The following UTS2 variants were observed in gnomAD, a reference collection of about 807,000 sequenced individuals.
UTS2 encodes the protein urotensin-2.
In UTS2, 10 loss-of-function variants were observed where a neutral mutation model predicts 12.6. The ratio of observed to expected loss-of-function variants is 0.80; its 90% CI spans 0.49 to 1.35. UTS2 has a LOEUF of 1.35. UTS2 is among the 40% of genes most tolerant of loss of function. The pLI, the probability that UTS2 is intolerant of heterozygous loss-of-function variation, is 0.00. For missense variants in UTS2, 142 were observed against 143.2 expected (o/e 0.99, Z 0.04); for synonymous variants, 52 against 50.0 (o/e 1.04, Z -0.17).
chr1:7,909,777 C>T, the UTS2 span, among the ~76,000 whole-genome samples: 8 of 152,046 alleles, frequency 5.3e-5, no homozygotes, highest in African/African-American at 1.4e-4. Flanking sequence ...CCCACCACCA[C>T]GCCCAGCTAA....
At chr1:7,861,599 C>A in the UTS2 span, among the ~76,000 whole-genome samples, 2 of 152,202 alleles carry the variant, frequency 1.3e-5, no homozygotes, top group Non-Finnish European at 2.9e-5. Flanking sequence ...CACGCGGTGT[C>A]CTCACAGCAG....
At position 7,851,006 on chromosome 1, in the gene UTS2, A is replaced by C. The variant is rs2097413530; in HGVS notation, c.104-84T>G. The C allele has an allele frequency of 3.0e-6, 4 of 1,321,596 alleles. No homozygotes were observed. The South Asian group carries it at 4.8e-5, about 16-fold the overall frequency. The allele number at this position is 1,321,596 out of a possible 1,614,324, so 81.9% of individuals were successfully genotyped here. ...TCCTTGTGTCTTTGGCGAGCACCAG[A>C]GATAGGGAGATGAACACTAGAAAAA... is the stretch of plus-strand genomic sequence containing the variant. On this transcript the variant is annotated intron_variant, in intron 1 of 3. Transcript: ENST00000361696.
upstream of UTS2, chr1:7,853,650 A>G: frequency 4.0e-6 from 2 of 506,040 alleles, no homozygotes; most frequent in South Asian, 5.1e-5. Context: ...CTTCAGAGAA[A>G]GGAAATAACT....
At chr1:7,872,299 CAAAAAAAAAAAAAA>C in the UTS2 span, among the ~76,000 whole-genome samples, 15 of 65,888 alleles carry the variant, frequency 2.3e-4, no homozygotes, top group Admixed American at 3.0e-3. Context: ...GACTCTGTCT[CAAAAAAAAAAAAAA>C]AAAAAAGGAA....
At chr1:7,871,244 A>G in the UTS2 span, among the ~76,000 whole-genome samples, 2 of 152,178 alleles carry the variant, frequency 1.3e-5, no homozygotes, top group Non-Finnish European at 1.5e-5. Context: ...TGTTTGTGAG[A>G]TCGTCCCTGT....
chr1:7,887,607 A>C, the UTS2 span, among the ~76,000 whole-genome samples: 1 of 150,444 alleles, frequency 6.6e-6, no homozygotes, highest in Non-Finnish European at 1.5e-5. Flanking sequence ...AAAAAAAAAA[A>C]AAAAAAAAAA....
chr1:7,886,857 C>T, the UTS2 span, among the ~76,000 whole-genome samples: 19 of 151,896 alleles, frequency 1.3e-4, no homozygotes, highest in African/African-American at 4.3e-4. Context: ...TCGAGACCAG[C>T]CTGACCAACA....
the UTS2 span, among the ~76,000 whole-genome samples, chr1:7,885,448 G>C: frequency 6.6e-6 from 1 of 152,164 alleles, no homozygotes; most frequent in Admixed American, 6.5e-5. Context: ...AAGGACAGGA[G>C]ATGGCCCCGG....
the UTS2 span, among the ~76,000 whole-genome samples, chr1:7,912,788 A>G: frequency 6.6e-6 from 1 of 151,764 alleles, no homozygotes; most frequent in East Asian, 1.9e-4. Flanking sequence ...TCCCTCCCCA[A>G]GCTCCATCCC....
chr1:7,890,972 C>G, the UTS2 span, among the ~76,000 whole-genome samples: 1 of 151,198 alleles, frequency 6.6e-6, no homozygotes, highest in Non-Finnish European at 1.5e-5. Context: ...CCTCCACCCC[C>G]CCCCACAAAA....
the UTS2 span, among the ~76,000 whole-genome samples, chr1:7,893,298 T>C: frequency 6.6e-6 from 1 of 152,104 alleles, no homozygotes; most frequent in African/African-American, 2.4e-5. Context: ...AGCCAGGAGT[T>C]TGAGGTCAGC....
At chr1:7,865,657 G>T in the UTS2 span, among the ~76,000 whole-genome samples, 1 of 152,182 alleles carries the variant, frequency 6.6e-6, no homozygotes, top group Admixed American at 6.5e-5. Context: ...CCAAATACAG[G>T]CTGAGCATGG....
the UTS2 span, among the ~76,000 whole-genome samples, chr1:7,875,580 T>C: frequency 1.3e-5 from 2 of 152,058 alleles, no homozygotes; most frequent in East Asian, 1.9e-4. Context: ...ATGCACACCA[T>C]TGGGGGTCCT....
upstream of UTS2, chr1:7,853,224 T>C (rs576444219): frequency 3.6e-5 from 57 of 1,582,156 alleles, no homozygotes; most frequent in Middle Eastern, 1.7e-4. Context: ...GACAATAAAT[T>C]AACTGTCTTG....
the UTS2 span, among the ~76,000 whole-genome samples, chr1:7,885,503 G>A: frequency 1.3e-5 from 2 of 152,052 alleles, no homozygotes; most frequent in African/African-American, 4.8e-5. Flanking sequence ...ACCGCGACTC[G>A]GGATCCTTAA....
At chr1:7,866,466 G>T in the UTS2 span, among the ~76,000 whole-genome samples, 4 of 152,188 alleles carry the variant, frequency 2.6e-5, no homozygotes, top group Non-Finnish European at 5.9e-5. The surrounding 1 kb of genome is among the most constrained non-coding windows in gnomAD (Gnocchi z 4.5). Flanking sequence ...CAAGGCTCCA[G>T]CCCTCTCATA....
chr1:7,892,657 T>C, the UTS2 span, among the ~76,000 whole-genome samples: 2 of 151,762 alleles, frequency 1.3e-5, no homozygotes, highest in African/African-American at 2.4e-5. Context: ...TTTTGTATTT[T>C]TAGTAGAGGC....
At chr1:7,854,301 G>A (rs7522337), upstream of UTS2, among the ~76,000 whole-genome samples, 3,087 of 150,800 alleles carry the variant, frequency 0.02, 92 homozygotes, top group African/African-American at 0.071. Context: ...CCAAGATTGC[G>A]CCACAGCAGT....
chr1:7,859,496 G>T, the UTS2 span, among the ~76,000 whole-genome samples: 2 of 152,182 alleles, frequency 1.3e-5, no homozygotes, highest in Non-Finnish European at 2.9e-5. Context: ...AGGCTTGCAG[G>T]AAATGTGGAG....
Sources: allele counts gnomAD v4.1 joint callset (sites outside exome capture counted in the v4.1 genomes callset), GRCh38; gene constraint gnomAD v4.1.1; non-coding constraint Gnocchi (gnomAD v3.1); transcripts MANE v1.5; gene names NCBI Gene and HGNC (gene_info 2026-07-23, HGNC 2026-07-21).